MTRFR: variants seen among roughly 807,000 people sequenced by gnomAD.
MTRFR encodes probable peptide chain release factor C12orf65, mitochondrial.
In MTRFR, 10 loss-of-function variants were observed where a neutral mutation model predicts 11.9. The ratio of observed to expected loss-of-function variants is 0.84; its 90% CI spans 0.52 to 1.42. MTRFR has a LOEUF of 1.42. MTRFR is among the 40% of genes most tolerant of loss of function. MTRFR has a pLI of 0.00. For missense variants in MTRFR, 196 were observed against 197.9 expected, an observed-to-expected ratio of 0.99 and a Z score of 0.06; for synonymous variants, 77 against 79.1, an observed-to-expected ratio of 0.97 and a Z score of 0.14.
intron 1 of MTRFR, 30 bp from the exon 2 acceptor site, chr12:123,253,617 C>T: frequency 8.7e-6 from 14 of 1,608,102 alleles, no homozygotes; most frequent in Non-Finnish European, 1.1e-5. Flanking sequence ...ATGCCTCTTA[C>T]TGAAAGCTCT....
chr12:123,241,585 C>G (rs1385945419), intron 1 of MTRFR, among the ~76,000 whole-genome samples: 1 of 152,136 alleles, frequency 6.6e-6, no homozygotes, highest in Non-Finnish European at 1.5e-5. Flanking sequence ...GGTGATCCAC[C>G]TACTTCAGCC....
intron 1 of MTRFR, among the ~76,000 whole-genome samples, chr12:123,239,133 C>G (rs1593272972): frequency 6.6e-6 from 1 of 152,038 alleles, no homozygotes; most frequent in Admixed American, 6.6e-5. Context: ...GCCAGGCATG[C>G]TGGTACATGC....
rs750337588 is a variant in MTRFR, at chr12:123,253,726, C to T, written c.52C>T (p.Pro18Ser). The change falls in exon 2 of 3, where the codon CCG (proline) becomes TCG (serine). Residue 18 changes from proline (P) to serine (S), a missense_variant. Transcript: ENST00000253233. ...TCCTACACCACTGACCCGAATATGC[C>T]CGGCGCCATGGGGACTCCGGCTTTG... ...HFPTPLTRIC[P>S]APWGLRLWEK... 1.2e-6 allele frequency: 2 copies of T among 1,614,100 alleles called. No individual in the cohort carries two copies. The highest frequency in any genetic ancestry group is 1.7e-6 in the Non-Finnish European group (2 of 1,180,014).
At chr12:123,245,176 T>C (rs2048020961) in intron 1 of MTRFR, among the ~76,000 whole-genome samples, 1 of 151,978 alleles carries the variant, frequency 6.6e-6, no homozygotes, top group South Asian at 2.1e-4. Flanking sequence ...GACCTCGTGA[T>C]CCACCCTCCT....
At chr12:123,235,758 T>C (rs898490213) in intron 1 of MTRFR, among the ~76,000 whole-genome samples, 5 of 151,926 alleles carry the variant, frequency 3.3e-5, no homozygotes, top group Non-Finnish European at 7.4e-5. Flanking sequence ...TGTACTTGAC[T>C]AGTCTTTTTA....
At chr12:123,239,595 G>C (rs2047899249) in intron 1 of MTRFR, among the ~76,000 whole-genome samples, 1 of 151,952 alleles carries the variant, frequency 6.6e-6, no homozygotes, top group East Asian at 1.9e-4. Flanking sequence ...GTAGAGACGG[G>C]GTTTCACCGT....
chr12:123,235,492 G>A (rs370486290), intron 1 of MTRFR, among the ~76,000 whole-genome samples: 6 of 151,708 alleles, frequency 4.0e-5, no homozygotes, highest in Admixed American at 2.0e-4. Context: ...AGCCTCCCTA[G>A]TAGCTGAGAC....
At chr12:123,235,116 G>A (rs1451740919) in intron 1 of MTRFR, among the ~76,000 whole-genome samples, 3 of 152,172 alleles carry the variant, frequency 2.0e-5, no homozygotes, top group African/African-American at 7.2e-5. Context: ...AAGTTCCTCA[G>A]CCTTGTAGTT....
chr12:123,233,980 C>A, intron 1 of MTRFR: 1 of 151,024 alleles, frequency 6.6e-6, no homozygotes, highest in African/African-American at 2.4e-5. Context: ...TTTTAATAGA[C>A]GTGGGGTGGG....
intron 1 of MTRFR, among the ~76,000 whole-genome samples, chr12:123,253,069 A>ATTTTTTTTTTTTTTTTTTTTTTTTTTTTT: frequency 2.3e-5 from 1 of 42,818 alleles, no homozygotes; most frequent in African/African-American, 6.3e-5. Context: ...CGTTCCTTTG[A>ATTTTTTTTTTTTTTTTTTTTTTTTTTTTT]ATTTTTTTTT....
At chr12:123,234,475 A>C (rs932049149) in intron 1 of MTRFR, among the ~76,000 whole-genome samples, 5 of 152,072 alleles carry the variant, frequency 3.3e-5, no homozygotes, top group Non-Finnish European at 5.9e-5. Context: ...GGCTCACTTT[A>C]ACCTCTGCCT....
chr12:123,251,389 C>A (rs764273346), intron 1 of MTRFR: 1 of 152,274 alleles, frequency 6.6e-6, no homozygotes, highest in Non-Finnish European at 1.5e-5. Flanking sequence ...TTACGAAGTT[C>A]GACTAGAGAA....
In MTRFR at chr12:123,236,767, A is replaced by G. The variant is rs1239952089; in HGVS notation, c.-29+3236A>G. Among the ~76,000 whole-genome samples the G allele has an allele frequency of 3.3e-5, 5 of 152,218 alleles. 1 individual carries two copies. In the South Asian group the frequency reaches 8.3e-4, roughly 25 times the overall value. The stretch of plus-strand genomic sequence containing the variant: ...GTTTTAATAGTGTAGTTGATAAATT[A>G]TAAAGTTCCCGTTAGATGCCATAAA... On this transcript the variant is annotated intron_variant, in intron 1 of 2. Transcript: ENST00000253233.
At chr12:123,247,178 C>T (rs1362562731) in intron 1 of MTRFR, among the ~76,000 whole-genome samples, 1 of 151,956 alleles carries the variant, frequency 6.6e-6, no homozygotes, top group African/African-American at 2.4e-5. Context: ...TCCATTTGTT[C>T]CAAGGTATAG....
chr12:123,256,481 C>T (rs1049417346), intron 2 of MTRFR, among the ~76,000 whole-genome samples: 10 of 152,070 alleles, frequency 6.6e-5, no homozygotes, highest in African/African-American at 2.4e-4. Flanking sequence ...CTCTATAAAG[C>T]GAACAGGTTG....
At chr12:123,248,444 C>A in intron 1 of MTRFR, 2 of 157,690 alleles carry the variant, frequency 1.3e-5, no homozygotes, top group South Asian at 2.0e-4. Context: ...GGTTCTTGGT[C>A]TTGCTGACTT....
intron 1 of MTRFR, among the ~76,000 whole-genome samples, chr12:123,247,005 A>C (rs912527946): frequency 2.6e-5 from 4 of 152,010 alleles, no homozygotes; most frequent in Non-Finnish European, 5.9e-5. Context: ...CTGGGATTAC[A>C]GGCGTGAGCC....
rs1460349256 is a variant in MTRFR at position 123,257,740 on chromosome 12, T to C, written c.*709T>C. ...TAAAACCATAAAGAAACACAGTCAG[T>C]ACTATACAAGAATAATGGCTACTTC... On this transcript the variant is annotated 3_prime_UTR_variant, in exon 3 of 3. Transcript: ENST00000253233. The C allele has an allele frequency of 7.2e-6, 1 of 138,144 alleles. No individual in the cohort carries two copies. 8.6% of individuals were successfully genotyped at this position (138,144 alleles called of 1,614,324 possible).
At chr12:123,240,264 C>T (rs2047911311) in intron 1 of MTRFR, among the ~76,000 whole-genome samples, 1 of 149,420 alleles carries the variant, frequency 6.7e-6, no homozygotes, top group Admixed American at 6.7e-5. Context: ...ATCCCAGCTA[C>T]TTGGGATGCT....
Sources: allele counts gnomAD v4.1 joint callset (sites outside exome capture counted in the v4.1 genomes callset), GRCh38; gene constraint gnomAD v4.1.1; transcripts MANE v1.5; gene names NCBI Gene and HGNC (gene_info 2026-07-23, HGNC 2026-07-21).